TTLL11: variants seen among roughly 807,000 people sequenced by gnomAD.
The protein encoded by TTLL11 is tubulin polyglutamylase TTLL11.
In TTLL11, 42 loss-of-function variants were observed where a neutral mutation model predicts 51.7. That is an observed-to-expected ratio of 0.81 (90% CI 0.64 to 1.05). The LOEUF (loss-of-function observed/expected upper bound fraction) is 1.05. TTLL11 is among the 50% of genes least tolerant of loss of function. The pLI, the probability that TTLL11 is intolerant of heterozygous loss-of-function variation, is 0.00. For synonymous variants in TTLL11, 381 were observed against 383.5 expected (o/e 0.99, Z 0.08); for missense variants, 799 against 940.4 (o/e 0.85, Z 1.97).
chr9:121,909,854 T>C (rs1840054238), intron 6 of TTLL11, among the ~76,000 whole-genome samples: 1 of 151,616 alleles, frequency 6.6e-6, no homozygotes, highest in Non-Finnish European at 1.5e-5. Flanking sequence ...TAGAGCTGAG[T>C]GGGTGGCAGG....
chr9:121,947,283 T>G (rs1841703569), intron 6 of TTLL11, among the ~76,000 whole-genome samples: 1 of 152,110 alleles, frequency 6.6e-6, no homozygotes, highest in South Asian at 2.1e-4. Flanking sequence ...GGAAGTGTTT[T>G]GTTTTGTTTT....
intron 6 of TTLL11, chr9:121,963,561 T>C (rs1425261632): frequency 1.3e-5 from 2 of 152,218 alleles, no homozygotes; most frequent in African/African-American, 2.4e-5. Context: ...TATGCTCATC[T>C]AGTTTCCCAT....
At chr9:121,922,773 G>GTGTGTGTA (rs766165702) in intron 6 of TTLL11, among the ~76,000 whole-genome samples, 1 of 151,886 alleles carries the variant, frequency 6.6e-6, no homozygotes, top group Non-Finnish European at 1.5e-5. Context: ...GTGTGTGTGT[G>GTGTGTGTA]TGTGTGTGTG....
At chr9:121,823,568 C>T (rs549534433) in intron 8 of TTLL11, among the ~76,000 whole-genome samples, 3 of 152,226 alleles carry the variant, frequency 2.0e-5, no homozygotes, top group Admixed American at 6.5e-5. Context: ...CAAAAAAACC[C>T]AGCTTCTTAA....
intron 6 of TTLL11, among the ~76,000 whole-genome samples, chr9:121,948,112 C>T (rs1841734454): frequency 6.6e-6 from 1 of 152,228 alleles, no homozygotes; most frequent in Non-Finnish European, 1.5e-5. Flanking sequence ...GCTACATTAG[C>T]TCATTGCATC....
chr9:122,057,292 C>T (rs1348295968), intron 1 of TTLL11, among the ~76,000 whole-genome samples: 1 of 148,866 alleles, frequency 6.7e-6, no homozygotes, highest in Non-Finnish European at 1.5e-5. Context: ...AAGTGATCTG[C>T]TGTAAGGTGA....
At chr9:121,988,012 C>T (rs2131688849) in intron 4 of TTLL11, among the ~76,000 whole-genome samples, 1 of 152,200 alleles carries the variant, frequency 6.6e-6, no homozygotes, top group East Asian at 1.9e-4. Flanking sequence ...TGGTCCTCTT[C>T]CGGGGCCTCC....
At chr9:121,950,785 G>A (rs909914658) in intron 6 of TTLL11, among the ~76,000 whole-genome samples, 4 of 152,232 alleles carry the variant, frequency 2.6e-5, no homozygotes, top group South Asian at 2.1e-4. Context: ...GGAGCTTGTC[G>A]CCTGGGCTCC....
chr9:121,965,208 T>C (rs987922344), intron 6 of TTLL11, among the ~76,000 whole-genome samples: 2 of 152,212 alleles, frequency 1.3e-5, no homozygotes, highest in African/African-American at 4.8e-5. Flanking sequence ...GATTGAACTC[T>C]CATGTATTAG....
rs149987147 is a variant in TTLL11 at position 122,003,222 on chromosome 9, C to T, written c.694-13452G>A. Among the ~76,000 whole-genome samples, 408 of 152,148 alleles carry T rather than the reference C, an allele frequency of 2.7e-3. 2 individuals are homozygous for T. The highest frequency in any genetic ancestry group is 9.3e-3 in the African/African-American group (386 of 41,514). ...TGTCAAAGAGAGATGATCATAAAACCTCTCCGGTCCAGCACTTCCCAGACT... is the reference window on the plus strand; with the variant it reads ...TGTCAAAGAGAGATGATCATAAAACTTCTCCGGTCCAGCACTTCCCAGACT... On this transcript the variant is annotated intron_variant, in intron 3 of 8. Coordinates refer to ENST00000321582, the MANE Select transcript of TTLL11 (RefSeq NM_001139442.2).
At chr9:121,825,860 G>A (rs1836736596) in intron 8 of TTLL11, among the ~76,000 whole-genome samples, 1 of 149,446 alleles carries the variant, frequency 6.7e-6, no homozygotes, top group African/African-American at 2.5e-5. Flanking sequence ...AAAAAAAAAA[G>A]CACAGCAACA....
intron 1 of TTLL11, among the ~76,000 whole-genome samples, chr9:122,079,997 T>G (rs1189149984): frequency 1.3e-5 from 2 of 152,110 alleles, no homozygotes; most frequent in African/African-American, 4.8e-5. Context: ...AGGTCAAGGA[T>G]AAAGAGAAAG....
chr9:121,994,063 C>T (rs1036953927), intron 3 of TTLL11, among the ~76,000 whole-genome samples: 1 of 152,154 alleles, frequency 6.6e-6, no homozygotes, highest in African/African-American at 2.4e-5. Context: ...CAAATTCCTA[C>T]CTCAATGTTC....
In TTLL11 at chr9:121,998,660, AG is replaced by A. The variant is rs537579864; in HGVS notation, c.694-8891del. The stretch of plus-strand genomic sequence containing the variant: ...ACTCAAACAAGGTGCCCTCCCTCCC[AG>A]TGCTCTTTTCGCTAAACTAGCAGTA... On this transcript the variant is annotated intron_variant, in intron 3 of 8. Coordinates refer to ENST00000321582, the MANE Select transcript of TTLL11 (RefSeq NM_001139442.2). Among the ~76,000 whole-genome samples, 75 of 152,076 alleles carry A rather than the reference AG, an allele frequency of 4.9e-4. No individual in the cohort carries two copies. The Middle Eastern group carries it at 0.01, about 21-fold the overall frequency.
intron 6 of TTLL11, among the ~76,000 whole-genome samples, chr9:121,905,216 A>C (rs573042916): frequency 6.6e-6 from 1 of 152,296 alleles, no homozygotes; most frequent in African/African-American, 2.4e-5. Context: ...AAACTCTCAT[A>C]TGTAATCTCA....
chr9:121,834,656 G>A (rs141172026), intron 8 of TTLL11, among the ~76,000 whole-genome samples: 49 of 152,088 alleles, frequency 3.2e-4, no homozygotes, highest in African/African-American at 1.9e-4. Context: ...GTGAAACTCC[G>A]TCTCTACTAA....
chr9:122,027,274 C>T (rs1844375360), intron 3 of TTLL11, among the ~76,000 whole-genome samples: 1 of 152,346 alleles, frequency 6.6e-6, no homozygotes, highest in Non-Finnish European at 1.5e-5. Flanking sequence ...CACCAGGCCT[C>T]ACCTCCAACA....
intron 8 of TTLL11, among the ~76,000 whole-genome samples, chr9:121,859,202 C>T (rs1588075374): frequency 2.0e-5 from 3 of 152,086 alleles, no homozygotes; most frequent in Admixed American, 6.5e-5. Context: ...TAGAAAAACA[C>T]CCTCTGGGCT....
rs1427195393 is a variant in TTLL11, at chr9:121,821,603, G to A, written c.*984C>T. ...TGCCTGTGAGGCGTTTCCTCCGAGAGGGGGGCTACCTGGGGATACAGATGG... is the reference window on the plus strand; with the variant it reads ...TGCCTGTGAGGCGTTTCCTCCGAGAAGGGGGCTACCTGGGGATACAGATGG... On this transcript the variant is annotated 3_prime_UTR_variant, in exon 9 of 9. Coordinates refer to ENST00000321582, the MANE Select transcript of TTLL11 (RefSeq NM_001139442.2). The surrounding 1 kb of genome is among the most constrained non-coding windows in gnomAD (Gnocchi z 5.0). 6.6e-6 allele frequency among the ~76,000 whole-genome samples: 1 copy of A among 152,248 alleles called. No homozygotes were observed. Among genetic ancestry groups the A allele is most frequent in the African/African-American group, 2.4e-5 (1 of 41,538 alleles).
Sources: gnomAD v4.1 joint callset for allele counts (sites outside exome capture counted in the v4.1 genomes callset) on GRCh38, gnomAD v4.1.1 for gene constraint, Gnocchi (gnomAD v3.1) non-coding constraint, MANE v1.5 for transcripts, NCBI Gene and HGNC (gene_info 2026-07-23, HGNC 2026-07-21) for gene names.